TOX: variants seen among roughly 807,000 people sequenced by gnomAD.
TOX encodes the protein thymocyte selection associated high mobility group box.
Under a neutral mutation model 53.7 loss-of-function variants are expected in TOX, and 11 were observed. The observed-to-expected ratio is 0.20, with a 90% CI of 0.13 to 0.34. The LOEUF (loss-of-function observed/expected upper bound fraction) is 0.34. TOX is among the 10% of genes least tolerant of loss of function. The probability of loss-of-function intolerance (pLI) is 1.00; values close to 1 mark genes in which losing one functional copy is unlikely to be tolerated. For synonymous variants in TOX, 225 were observed against 245.3 expected (o/e 0.92, Z 0.77); for missense variants, 570 against 664.6 (o/e 0.86, Z 1.56).
chr8:59,078,972 T>C (rs756503046), intron 1 of TOX, among the ~76,000 whole-genome samples: 10 of 152,196 alleles, frequency 6.6e-5, no homozygotes, highest in Admixed American at 2.6e-4. Context: ...GCAAAGAGCT[T>C]GGCTGTATTT....
chr8:58,956,979 C>T (rs1812720302), intron 2 of TOX, among the ~76,000 whole-genome samples: 1 of 152,212 alleles, frequency 6.6e-6, no homozygotes, highest in Non-Finnish European at 1.5e-5. Context: ...GTTCATCCTA[C>T]ATATCACTAC....
Position 59,092,291 on chromosome 8 carries a change from C to T in TOX, c.102+26595G>A, listed in dbSNP as rs1355422404. Among the ~76,000 whole-genome samples the T allele has an allele frequency of 2.8e-4, 27 of 94,976 alleles. 1 individual carries two copies. Among genetic ancestry groups the T allele is most frequent in the African/African-American group, 1.2e-3 (21 of 17,514 alleles). 62.3% of individuals were successfully genotyped at this position (94,976 alleles called of 152,430 possible). ...TATATATATATATATATTATATATACATTATATATATTATATATTATATAT... is the reference window on the plus strand; with the variant it reads ...TATATATATATATATATTATATATATATTATATATATTATATATTATATAT... On this transcript the variant is annotated intron_variant, in intron 1 of 8. Transcript: ENST00000361421.
intron 3 of TOX, among the ~76,000 whole-genome samples, chr8:58,856,789 G>A (rs1810924652): frequency 6.6e-6 from 1 of 151,784 alleles, no homozygotes; most frequent in African/African-American, 2.4e-5. Context: ...AAACGTGGAG[G>A]TGATGGAGAG....
intron 1 of TOX, among the ~76,000 whole-genome samples, chr8:59,058,906 A>G (rs910170235): frequency 6.6e-6 from 1 of 152,198 alleles, no homozygotes; most frequent in Non-Finnish European, 1.5e-5. Flanking sequence ...CAGGGCATCC[A>G]GGAAGACAGC....
At chr8:59,080,557 G>A (rs1419998881) in intron 1 of TOX, among the ~76,000 whole-genome samples, 1 of 152,176 alleles carries the variant, frequency 6.6e-6, no homozygotes, top group Admixed American at 6.5e-5. Context: ...GAATGATGTA[G>A]TTTGAATATT....
At chr8:59,005,250 G>C (rs1813768534) in intron 1 of TOX, among the ~76,000 whole-genome samples, 1 of 152,094 alleles carries the variant, frequency 6.6e-6, no homozygotes, top group African/African-American at 2.4e-5. Context: ...GTGTTAGCCA[G>C]GATGGTCTTC....
rs576259098 is a variant in TOX at position 58,914,667 on chromosome 8, T to C, written c.411+24635A>G. On this transcript the variant is annotated intron_variant, in intron 3 of 8. Coordinates refer to ENST00000361421, the MANE Select transcript of TOX (RefSeq NM_014729.3). ...AAACTTGTTCAACCAAAAATGTCAA[T>C]AATGCCAAAATTAAGAATCTCTGGG... Among the ~76,000 whole-genome samples, 34 of 152,204 alleles carry C rather than the reference T, an allele frequency of 2.2e-4. 1 individual carries two copies. The Middle Eastern group carries it at 0.01, about 46-fold the overall frequency.
At chr8:58,863,694 T>A (rs1241363917) in intron 3 of TOX, among the ~76,000 whole-genome samples, 2 of 152,214 alleles carry the variant, frequency 1.3e-5, no homozygotes, top group African/African-American at 4.8e-5. Context: ...AATGACTGAA[T>A]TTAATGCACT....
chr8:58,905,727 A>T (rs1248483675), intron 3 of TOX, among the ~76,000 whole-genome samples: 1 of 152,260 alleles, frequency 6.6e-6, no homozygotes, highest in Non-Finnish European at 1.5e-5. Flanking sequence ...CCATGCTTGC[A>T]TTATTCCTTT....
chr8:58,845,633 G>T (rs1810708058), intron 4 of TOX, among the ~76,000 whole-genome samples: 1 of 152,074 alleles, frequency 6.6e-6, no homozygotes, highest in African/African-American at 2.4e-5. Flanking sequence ...CTTTTGAAAT[G>T]ATTCACAAGT....
chr8:58,950,136 G>A (rs1475475594), intron 2 of TOX, among the ~76,000 whole-genome samples: 2 of 49,340 alleles, frequency 4.1e-5, no homozygotes, highest in African/African-American at 8.8e-5. Context: ...TCATATACAC[G>A]TGTAATATAC....
chr8:59,004,871 G>A (rs1156948885), intron 1 of TOX, among the ~76,000 whole-genome samples: 3 of 152,062 alleles, frequency 2.0e-5, no homozygotes, highest in East Asian at 3.9e-4. Flanking sequence ...TGTGGCCCTA[G>A]TAATTAACAA....
In TOX at chr8:58,815,455, C is replaced by T. The variant is rs150290451; in HGVS notation, c.1275G>A (p.Pro425=). The part of the protein sequence containing the change: ...VSPPPPLQIS[P]PLHQHLNMQQ... ...GCATGTTGAGATGCTGGTGAAGAGG[C>T]GGGCTGATCTGGAGGGGAGGAGGAG... The change falls in exon 7 of 9, where the codon CCG becomes CCA. Residue 425 remains proline (P), a synonymous_variant. Coordinates refer to ENST00000361421, the MANE Select transcript of TOX (RefSeq NM_014729.3). 147 of 1,613,938 alleles carry T rather than the reference C, an allele frequency of 9.1e-5. No individual in the cohort carries two copies. The African/African-American group carries it at 1.2e-3, about 13-fold the overall frequency.
At chr8:58,841,487 C>T (rs1271447259) in intron 4 of TOX, among the ~76,000 whole-genome samples, 1 of 152,058 alleles carries the variant, frequency 6.6e-6, no homozygotes, top group Non-Finnish European at 1.5e-5. Flanking sequence ...TAAAAGGAGA[C>T]AAAAGGAGTC....
At chr8:59,099,314 C>A (rs1257508092) in intron 1 of TOX, among the ~76,000 whole-genome samples, 1 of 152,120 alleles carries the variant, frequency 6.6e-6, no homozygotes, top group Non-Finnish European at 1.5e-5. Context: ...ACATCCAGGG[C>A]CTGATATTCC....
intron 5 of TOX, among the ~76,000 whole-genome samples, chr8:58,836,731 A>T (rs1810552474): frequency 6.6e-6 from 1 of 152,166 alleles, no homozygotes; most frequent in Admixed American, 6.5e-5. Flanking sequence ...CATTAATTTC[A>T]TAGGGTTTGT....
rs35347981 is a variant in TOX, at chr8:58,838,699, C to CTTTTTTTTTT, written c.694-398_694-389dup. ...TTTCTTCTAAGGAAGTTATCCTTGT[C>CTTTTTTTTTT]TTTTTTTTTTTTTTTTTTTTTGAGA... On this transcript the variant is annotated intron_variant, in intron 4 of 8. Transcript: ENST00000361421. 5.4e-4 allele frequency among the ~76,000 whole-genome samples: 48 copies of CTTTTTTTTTT among 88,870 alleles called. 3 individuals carry two copies. The highest frequency in any genetic ancestry group is 2.4e-3 in the African/African-American group (40 of 16,726). The allele number at this position is 88,870 out of a possible 152,430, so 58.3% of individuals were successfully genotyped here. A position where few individuals can be genotyped will look rare whatever the true frequency, so the allele number is the denominator to read the frequency against.
At chr8:58,860,071 T>C (rs962536124) in intron 3 of TOX, among the ~76,000 whole-genome samples, 4 of 152,164 alleles carry the variant, frequency 2.6e-5, no homozygotes, top group Admixed American at 6.5e-5. Flanking sequence ...TTTATATCTA[T>C]AAACAACTGA....
At chr8:59,006,358 G>T (rs905044734) in intron 1 of TOX, among the ~76,000 whole-genome samples, 4 of 152,196 alleles carry the variant, frequency 2.6e-5, no homozygotes, top group African/African-American at 9.7e-5. Context: ...GGCTTTTACA[G>T]TAATGCTATG....
Sources: gnomAD v4.1 joint callset for allele counts (sites outside exome capture counted in the v4.1 genomes callset) on GRCh38, gnomAD v4.1.1 for gene constraint, MANE v1.5 for transcripts, NCBI Gene and HGNC (gene_info 2026-07-23, HGNC 2026-07-21) for gene names.